The following WWOX variants were observed in gnomAD, a reference collection of about 807,000 sequenced individuals.
The protein encoded by WWOX is WW domain containing oxidoreductase.
WWOX carries 69 observed loss-of-function variants against 46.2 expected under a neutral mutation model. That is an observed-to-expected ratio of 1.49 (90% confidence interval 1.23 to 1.82). The LOEUF is 1.82. Ranked by LOEUF, WWOX falls within the 40% of genes most tolerant of loss-of-function variation. The pLI, the probability that WWOX is intolerant of heterozygous loss-of-function variation, is 0.00. For missense variants in WWOX, 919 were observed against 542.6 expected (o/e 1.69, Z -6.89); for synonymous variants, 359 against 202.6 (o/e 1.77, Z -6.56).
Position 78,115,038 on chromosome 16 carries a change from C to A in WWOX, c.293C>A (p.Pro98Gln). The A allele has an allele frequency of 1.2e-6, 2 of 1,614,124 alleles. No homozygotes were observed. The highest frequency in any genetic ancestry group is 1.7e-6 in the Non-Finnish European group (2 of 1,180,028). ...CTGGCGTTTACTGTGGATGATAATC[C>A]GACCAAGCCAACCACCCGGCAAAGA... is the stretch of plus-strand genomic sequence containing the variant. Reference protein sequence around the residue: ...PRLAFTVDDNPTKPTTRQRYD... With the variant: ...PRLAFTVDDNQTKPTTRQRYD... The change falls in exon 4 of 9, where the codon CCG (proline) becomes CAG (glutamine). Residue 98 changes from proline to glutamine, a missense_variant. Transcript: ENST00000566780.
chr16:79,060,597 C>T (rs2048341189), intron 8 of WWOX, among the ~76,000 whole-genome samples: 1 of 152,232 alleles, frequency 6.6e-6, no homozygotes, highest in African/African-American at 2.4e-5. Context: ...AATGCAGTGA[C>T]ATATGTCTTA....
At chr16:78,121,218 C>G (rs963369914) in intron 4 of WWOX, among the ~76,000 whole-genome samples, 1 of 152,076 alleles carries the variant, frequency 6.6e-6, no homozygotes, top group Non-Finnish European at 1.5e-5. Flanking sequence ...CTGAAATAAT[C>G]GAAATAACCT....
intron 8 of WWOX, among the ~76,000 whole-genome samples, chr16:78,907,263 G>T (rs1021403245): frequency 2.6e-5 from 4 of 152,144 alleles, no homozygotes; most frequent in African/African-American, 9.7e-5. Context: ...AGTTGAATGG[G>T]GATGGGGCTA....
At chr16:78,478,318 G>A (rs959713585) in intron 8 of WWOX, among the ~76,000 whole-genome samples, 3 of 151,994 alleles carry the variant, frequency 2.0e-5, no homozygotes, top group African/African-American at 4.8e-5. Context: ...CTTCTCAGAC[G>A]GTTTAAAATT....
chr16:78,819,481 A>G (rs1228078538), intron 8 of WWOX, among the ~76,000 whole-genome samples: 2 of 152,176 alleles, frequency 1.3e-5, no homozygotes, highest in African/African-American at 4.8e-5. Context: ...TTTTTCTAGA[A>G]ATTTCTGCAT....
At chr16:78,780,083 G>A (rs2050286405) in intron 8 of WWOX, among the ~76,000 whole-genome samples, 1 of 152,144 alleles carries the variant, frequency 6.6e-6, no homozygotes, top group Admixed American at 6.6e-5. Flanking sequence ...TTAATGGTGT[G>A]GCCATGGTTC....
chr16:78,355,489 C>T lies in WWOX; in HGVS notation c.517-31371C>T, dbSNP rs145433455. ...TGGTGGCGGGCACCTGTAGTCCCAGCTACTCGGGAGGCTGAGACCGAAGAA... is the reference window on the plus strand; with the variant it reads ...TGGTGGCGGGCACCTGTAGTCCCAGTTACTCGGGAGGCTGAGACCGAAGAA... On this transcript the variant is annotated intron_variant, in intron 5 of 8. Transcript: ENST00000566780. 9.9e-5 allele frequency: 34 copies of T among 343,348 alleles called. No individual in the cohort carries two copies. The East Asian group carries it at 2.6e-3, about 27-fold the overall frequency. 21.3% of individuals were successfully genotyped at this position (343,348 alleles called of 1,614,324 possible).
chr16:78,450,008 A>AT (rs945431626), intron 8 of WWOX, among the ~76,000 whole-genome samples: 8 of 150,984 alleles, frequency 5.3e-5, no homozygotes, highest in African/African-American at 1.7e-4. Flanking sequence ...TTTTGTTATG[A>AT]TTTTTTTTAA....
At chr16:78,542,952 AG>A (rs2043933834) in intron 8 of WWOX, among the ~76,000 whole-genome samples, 3 of 152,184 alleles carry the variant, frequency 2.0e-5, no homozygotes, top group Admixed American at 2.0e-4. Context: ...TGAGAGGAGG[AG>A]AGTAGAAGCA....
intron 8 of WWOX, among the ~76,000 whole-genome samples, chr16:78,956,603 C>G (rs991611044): frequency 4.7e-5 from 7 of 148,626 alleles, no homozygotes; most frequent in African/African-American, 1.7e-4. Flanking sequence ...TATATTGTAT[C>G]ATATCATATC....
At chr16:78,824,581 G>A (rs181392247) in intron 8 of WWOX, among the ~76,000 whole-genome samples, 34 of 152,192 alleles carry the variant, frequency 2.2e-4, no homozygotes, top group Admixed American at 2.1e-3. Flanking sequence ...AGTTCCGCAC[G>A]GCTGGGGAGG....
intron 5 of WWOX, among the ~76,000 whole-genome samples, chr16:78,287,618 C>G (rs1468268696): frequency 1.3e-5 from 2 of 151,960 alleles, no homozygotes; most frequent in African/African-American, 2.4e-5. Context: ...TAAGTGTGCT[C>G]TGTTTTCTGA....
At chr16:78,755,249 A>C (rs573731177) in intron 8 of WWOX, among the ~76,000 whole-genome samples, 13 of 150,576 alleles carry the variant, frequency 8.6e-5, no homozygotes, top group Admixed American at 8.6e-4. Context: ...AAAAAAAAAG[A>C]AAAAGAAAAC....
At chr16:78,367,806 G>A (rs1954640965) in intron 5 of WWOX, among the ~76,000 whole-genome samples, 1 of 151,950 alleles carries the variant, frequency 6.6e-6, no homozygotes, top group African/African-American at 2.4e-5. Context: ...CACCAGGCTG[G>A]AGTGCAGTGG....
intron 8 of WWOX, among the ~76,000 whole-genome samples, chr16:78,729,167 A>T (rs1340627135): frequency 6.6e-6 from 1 of 151,604 alleles, no homozygotes; most frequent in Non-Finnish European, 1.5e-5. Context: ...ACATGGTGAA[A>T]CCTTATCCGT....
At chr16:78,299,003 A>C (rs1371551366) in intron 5 of WWOX, among the ~76,000 whole-genome samples, 2 of 152,138 alleles carry the variant, frequency 1.3e-5, no homozygotes, top group East Asian at 1.9e-4. Context: ...GTTTACGCCA[A>C]AAAGGATGAG....
intron 8 of WWOX, among the ~76,000 whole-genome samples, chr16:79,148,849 G>C (rs1319831640): frequency 1.3e-5 from 2 of 152,072 alleles, no homozygotes; most frequent in Admixed American, 6.6e-5. Flanking sequence ...ATTGAGTTTT[G>C]TGTGTTGATC....
chr16:78,710,469 A>G (rs1336225122), intron 8 of WWOX, among the ~76,000 whole-genome samples: 2 of 34,598 alleles, frequency 5.8e-5, no homozygotes, highest in Non-Finnish European at 1.1e-4. Flanking sequence ...AAGCTAATGG[A>G]TCTCATATAT....
intron 8 of WWOX, among the ~76,000 whole-genome samples, chr16:78,718,363 C>G (rs573361281): frequency 6.6e-6 from 1 of 152,082 alleles, no homozygotes; most frequent in South Asian, 2.1e-4. Context: ...AAACGACTAG[C>G]TCAGAAGTTA....
Sources: gnomAD v4.1 joint callset for allele counts (sites outside exome capture counted in the v4.1 genomes callset) on GRCh38, gnomAD v4.1.1 for gene constraint, MANE v1.5 for transcripts, NCBI Gene and HGNC (gene_info 2026-07-23, HGNC 2026-07-21) for gene names.